NCAM2: variants seen among roughly 807,000 people sequenced by gnomAD.
NCAM2 encodes neural cell adhesion molecule 2.
NCAM2 carries 30 observed loss-of-function variants against 98.1 expected under a neutral mutation model. The observed-to-expected ratio is 0.31, with a 90% CI of 0.23 to 0.41. The LOEUF (loss-of-function observed/expected upper bound fraction) is 0.41, where lower values mean the gene tolerates loss of function less well. Among genes scored for constraint, NCAM2 ranks in the 10% least tolerant of loss-of-function variants. NCAM2 has a pLI of 1.00. For missense variants in NCAM2, 867 were observed against 1,005.8 expected, an observed-to-expected ratio of 0.86 and a Z score of 1.87; for synonymous variants, 368 against 342.4, an observed-to-expected ratio of 1.07 and a Z score of -0.83.
intron 5 of NCAM2, among the ~76,000 whole-genome samples, chr21:21,318,734 AC>A (rs1241878386): frequency 6.6e-6 from 1 of 152,314 alleles, no homozygotes; most frequent in East Asian, 1.9e-4. Flanking sequence ...TATTATGTAA[AC>A]AAATGCTGTA....
chr21:21,530,286 AAT>A (rs1569142026), intron 16 of NCAM2, among the ~76,000 whole-genome samples: 1 of 126,990 alleles, frequency 7.9e-6, no homozygotes, highest in African/African-American at 3.0e-5. Flanking sequence ...AATTTAATTT[AAT>A]TATATATAAT....
chr21:21,229,712 T>C (rs1007385233), intron 1 of NCAM2, among the ~76,000 whole-genome samples: 1 of 151,450 alleles, frequency 6.6e-6, no homozygotes, highest in Admixed American at 6.6e-5. Flanking sequence ...TACCATATTG[T>C]ATGTGAATCT....
At chr21:21,281,870 G>T (rs935452219) in intron 2 of NCAM2, among the ~76,000 whole-genome samples, 1 of 151,226 alleles carries the variant, frequency 6.6e-6, no homozygotes, top group Non-Finnish European at 1.5e-5. Context: ...TAAATATAGA[G>T]ATATAATATT....
At chr21:21,221,048 C>A (rs2070127332) in intron 1 of NCAM2, among the ~76,000 whole-genome samples, 1 of 152,120 alleles carries the variant, frequency 6.6e-6, no homozygotes, top group Admixed American at 6.5e-5. Context: ...TGCAAACTTT[C>A]TCACTAATGT....
At chr21:21,135,688 GT>G (rs2067035344) in intron 1 of NCAM2, among the ~76,000 whole-genome samples, 1 of 152,104 alleles carries the variant, frequency 6.6e-6, no homozygotes, top group African/African-American at 2.4e-5. Context: ...CTAACTCACT[GT>G]TTTCTGATCT....
intron 5 of NCAM2, among the ~76,000 whole-genome samples, chr21:21,314,911 C>A (rs1166212047): frequency 6.6e-6 from 1 of 152,080 alleles, no homozygotes; most frequent in Non-Finnish European, 1.5e-5. Context: ...TTTAAAATAG[C>A]TTTTAGATAA....
chr21:21,074,550 C>G (rs2065639334), intron 1 of NCAM2, among the ~76,000 whole-genome samples: 1 of 152,114 alleles, frequency 6.6e-6, no homozygotes, highest in African/African-American at 2.4e-5. Context: ...CTCCTCTGAC[C>G]TAATCTTAGA....
At chr21:21,237,949 C>T (rs370474952) in intron 1 of NCAM2, among the ~76,000 whole-genome samples, 130 of 114,414 alleles carry the variant, frequency 1.1e-3, no homozygotes, top group African/African-American at 1.4e-3. Flanking sequence ...CATTGTAATT[C>T]TTTTTTTTTT....
intron 12 of NCAM2, among the ~76,000 whole-genome samples, chr21:21,466,072 A>G (rs1202319181): frequency 6.6e-6 from 1 of 152,070 alleles, no homozygotes; most frequent in Non-Finnish European, 1.5e-5. Context: ...GTAGGCTTCA[A>G]ACTAGAATTA....
At chr21:21,452,614 T>C (rs1252609531) in intron 12 of NCAM2, among the ~76,000 whole-genome samples, 2 of 116,540 alleles carry the variant, frequency 1.7e-5, no homozygotes, top group Admixed American at 1.2e-4. Context: ...GTATATATAG[T>C]ATAATATATA....
At chr21:21,373,723 G>A (rs1215220516) in intron 8 of NCAM2, 140 bp from the exon 9 acceptor site, 2 of 725,874 alleles carry the variant, frequency 2.8e-6, no homozygotes, top group Non-Finnish European at 4.1e-6. Flanking sequence ...AGCTATACAA[G>A]AAATACTTTC....
chr21:21,209,273 T>A (rs2069556364), intron 1 of NCAM2, among the ~76,000 whole-genome samples: 1 of 152,168 alleles, frequency 6.6e-6, no homozygotes, highest in African/African-American at 2.4e-5. Context: ...TGGATTGCAG[T>A]GGCACGATCA....
chr21:21,118,369 T>C (rs1022869232), intron 1 of NCAM2, among the ~76,000 whole-genome samples: 4 of 152,100 alleles, frequency 2.6e-5, no homozygotes, highest in Non-Finnish European at 4.4e-5. Flanking sequence ...AAAATAAGCT[T>C]AGGAACAAGT....
intron 15 of NCAM2, among the ~76,000 whole-genome samples, chr21:21,492,728 A>G (rs576589917): frequency 1.3e-5 from 2 of 151,980 alleles, no homozygotes; most frequent in African/African-American, 4.8e-5. Context: ...AACACTTACA[A>G]TTTGCATAGC....
Position 21,338,409 on chromosome 21 carries a change from C to G in NCAM2, c.919C>G (p.Leu307Val), listed in dbSNP as rs763156005. ...TACAGTACAGCCTCACATAATACAG[C>G]TTAAAAATGAAACTACATATGAGAA... ...QVFVQPHIIQ[L>V]KNETTYENGQ... Residue 307 changes from leucine to valine, a missense_variant, in exon 8 of 18, where the codon CTT becomes GTT. Around this residue, in one of 5 missense-constraint regions of NCAM2, gnomAD observed 447 missense variants for 495.7 expected, o/e 0.90. Transcript: ENST00000400546. The G allele has an allele frequency of 1.9e-6, 3 of 1,611,404 alleles. No homozygotes were observed. The highest frequency in any genetic ancestry group is 2.5e-6 in the Non-Finnish European group (3 of 1,178,154).
chr21:21,493,457 C>T (rs774630062), intron 15 of NCAM2, among the ~76,000 whole-genome samples: 2 of 151,764 alleles, frequency 1.3e-5, no homozygotes, highest in Non-Finnish European at 2.9e-5. Context: ...TCCCATATAC[C>T]ATCTACCCCA....
At chr21:21,144,973 G>A (rs1237406245) in intron 1 of NCAM2, among the ~76,000 whole-genome samples, 1 of 151,986 alleles carries the variant, frequency 6.6e-6, no homozygotes, top group Non-Finnish European at 1.5e-5. Flanking sequence ...AAGAAATAAT[G>A]ATCATGAAGA....
At chr21:21,454,118 A>T (rs1446804769) in intron 12 of NCAM2, among the ~76,000 whole-genome samples, 3 of 152,110 alleles carry the variant, frequency 2.0e-5, no homozygotes, top group Non-Finnish European at 4.4e-5. Flanking sequence ...ATAGACACAC[A>T]CAGAGAAATC....
chr21:21,238,769 G>A lies in NCAM2; in HGVS notation c.56-41809G>A, dbSNP rs1327742279. 2.0e-5 allele frequency among the ~76,000 whole-genome samples: 3 copies of A among 151,848 alleles called. No individual in the cohort carries two copies. In the East Asian group the frequency reaches 5.8e-4, roughly 29 times the overall value. ...TTTTCTTTCTTGTAAGTAATAAATT[G>A]GCCATTTTCTACCGACATAATCAAC... On this transcript the variant is annotated intron_variant, in intron 1 of 17. Coordinates refer to ENST00000400546, the MANE Select transcript of NCAM2 (RefSeq NM_004540.5).
Sources: gnomAD v4.1 joint callset for allele counts (sites outside exome capture counted in the v4.1 genomes callset) on GRCh38, gnomAD v4.1.1 for gene constraint, gnomAD v4.1.1 regional missense constraint, MANE v1.5 for transcripts, NCBI Gene and HGNC (gene_info 2026-07-23, HGNC 2026-07-21) for gene names.